Variants in PODXL2 observed in about 807,000 individuals in gnomAD.
PODXL2 encodes the protein podocalyxin-like protein 2.
A neutral mutation model predicts 53.4 loss-of-function variants in PODXL2; 17 were observed. The ratio of observed to expected loss-of-function variants is 0.32; its 90% confidence interval spans 0.22 to 0.48. The LOEUF is 0.48. Ranked by LOEUF, PODXL2 falls within the 20% of genes least tolerant of loss-of-function variation. The pLI is 0.99. For missense variants in PODXL2, 673 were observed against 760.0 expected (o/e 0.89, Z 1.35); for synonymous variants, 311 against 306.7 (o/e 1.01, Z -0.15).
chr3:127,648,696 A>G (rs781238795), intron 2 of PODXL2, among the ~76,000 whole-genome samples: 3 of 151,354 alleles, frequency 2.0e-5, no homozygotes, highest in South Asian at 2.1e-4. Flanking sequence ...GCTCACTGCA[A>G]CCTCTGCTGC....
intron 6 of PODXL2, among the ~76,000 whole-genome samples, chr3:127,669,977 C>T (rs1397947619): frequency 6.6e-6 from 1 of 152,250 alleles, no homozygotes; most frequent in Non-Finnish European, 1.5e-5. Context: ...CATCAGCCCT[C>T]TCCACTCCCG....
intron 6 of PODXL2, 148 bp from the exon 7 acceptor site, chr3:127,671,286 C>A (rs1243637995): frequency 2.9e-6 from 2 of 694,454 alleles, no homozygotes; most frequent in African/African-American, 1.8e-5. Flanking sequence ...TAGAGGCAAG[C>A]CCAGGCGCCA....
intron 6 of PODXL2, among the ~76,000 whole-genome samples, chr3:127,670,491 G>T (rs2074825704): frequency 6.6e-6 from 1 of 152,188 alleles, no homozygotes; most frequent in Non-Finnish European, 1.5e-5. Context: ...GGCGTTACTG[G>T]TCACTTAATT....
intron 2 of PODXL2, among the ~76,000 whole-genome samples, chr3:127,645,336 G>A (rs1036941626): frequency 6.6e-6 from 1 of 152,238 alleles, no homozygotes; most frequent in African/African-American, 2.4e-5. Context: ...CTAAGCCTGT[G>A]ATGCACTTGT....
rs201082204 is a variant in PODXL2, at chr3:127,639,423, C to A, written c.249C>A (p.Ser83Arg). 4 of 1,614,236 alleles carry A rather than the reference C, an allele frequency of 2.5e-6. No homozygotes were observed. Among genetic ancestry groups the A allele is most frequent in the East Asian group, 2.2e-5 (1 of 44,888 alleles). ...GAGCCCCTGGCTCAGGCTTCCCCAG[C>A]GAAGAGAATGAAGAGTCTCGGATTC... is the stretch of plus-strand genomic sequence containing the variant. ...GLGAPGSGFPSEENEESRILQ... is the reference protein window; with the variant it reads ...GLGAPGSGFPREENEESRILQ... Residue 83 changes from serine to arginine, a missense_variant, in exon 2 of 8, where the codon AGC (serine) becomes AGA (arginine). This residue lies in a region of PODXL2 where 588 missense variants were observed against 668.3 expected (regional missense o/e 0.88). Coordinates refer to ENST00000342480, the MANE Select transcript of PODXL2 (RefSeq NM_015720.4).
At chr3:127,658,396 T>C (rs955626202) in intron 2 of PODXL2, among the ~76,000 whole-genome samples, 1 of 151,278 alleles carries the variant, frequency 6.6e-6, no homozygotes, top group African/African-American at 2.4e-5. Flanking sequence ...TGTTTCTTGA[T>C]TTCCCATGTC....
In PODXL2 at chr3:127,656,041, G is replaced by A. The variant is rs143029118; in HGVS notation, c.350-4337G>A. 1.9e-3 allele frequency among the ~76,000 whole-genome samples: 293 copies of A among 152,342 alleles called. 2 individuals are homozygous for A. Among genetic ancestry groups the A allele is most frequent in the African/African-American group, 6.8e-3 (281 of 41,586 alleles). ...GAGGCAGAAGAATTCAAAAACACAC[G>A]TTGCTCTCCTTTCTACTCTGGGCCA... is the stretch of plus-strand genomic sequence containing the variant. On this transcript the variant is annotated intron_variant, in intron 2 of 7. Transcript: ENST00000342480.
In PODXL2 at chr3:127,672,414, G is replaced by A; in HGVS notation, c.1752G>A (p.Gly584=). 8 of 1,542,492 alleles carry A rather than the reference G, an allele frequency of 5.2e-6. No homozygotes were observed. Among genetic ancestry groups the A allele is most frequent in the Non-Finnish European group, 7.0e-6 (8 of 1,145,560 alleles). The change falls in exon 8 of 8, where the codon GGG becomes GGA. Residue 584 remains glycine, a synonymous_variant. Transcript: ENST00000342480. ...CCCTCAACGGCCCGGGGAGCTGGGG[G>A]GCGCTCATGGGGGGCAAGCGGGACC... ...GGALNGPGSW[G]ALMGGKRDPE...
Position 127,662,259 on chromosome 3 carries a change from A to G in PODXL2, c.1154A>G (p.Asn385Ser), listed in dbSNP as rs200595583. Residue 385 changes from asparagine (N) to serine (S), a missense_variant, in exon 4 of 8, where the codon AAT becomes AGT. Coordinates refer to ENST00000342480, the MANE Select transcript of PODXL2 (RefSeq NM_015720.4). The stretch of plus-strand genomic sequence containing the variant: ...CAGGTGATCTGCAAGGACTGGAGCA[A>G]TCTGGCTGGGAAAAACTACATCATT... ...STQVICKDWS[N>S]LAGKNYIILN... 21 of 1,614,094 alleles carry G rather than the reference A, an allele frequency of 1.3e-5. No individual in the cohort carries two copies. In the South Asian group the frequency reaches 1.5e-4, roughly 12 times the overall value.
Position 127,662,239 on chromosome 3 carries a change from G to T in PODXL2, c.1134G>T (p.Val378=), listed in dbSNP as rs763013928. The stretch of plus-strand genomic sequence containing the variant: ...CTTCTTTCTGTCTCCTCGCACAGGT[G>T]ATCTGCAAGGACTGGAGCAATCTGG... The part of the protein sequence containing the change: ...QSRIPWDSTQ[V]ICKDWSNLAG... Residue 378 remains valine (V), a splice_region_variant and synonymous_variant, in exon 4 of 8, where the codon GTG becomes GTT. Transcript: ENST00000342480. 4.3e-6 allele frequency: 7 copies of T among 1,612,918 alleles called. No homozygotes were observed. Among genetic ancestry groups the T allele is most frequent in the South Asian group, 1.1e-5 (1 of 91,050 alleles).
At chr3:127,647,760 C>T (rs1053566412) in intron 2 of PODXL2, among the ~76,000 whole-genome samples, 7 of 152,214 alleles carry the variant, frequency 4.6e-5, no homozygotes, top group Non-Finnish European at 5.9e-5. Flanking sequence ...CTCAGCACCC[C>T]GCAGAAAGGG....
chr3:127,660,663 GCCAGA>G lies in PODXL2; in HGVS notation c.638_642del (p.Gln213ProfsTer9). On this transcript the variant is annotated frameshift_variant, in exon 3 of 8. Transcript: ENST00000342480. LOFTEE classifies it high-confidence loss of function. ...CGTGACTTTTCTCTCACCAGCAGCA[GCCAGA>G]CCCCAGGGGCCACCAAAAGCAGGCA... The G allele has an allele frequency of 1.2e-6, 2 of 1,614,172 alleles. No homozygotes were observed. The highest frequency in any genetic ancestry group is 1.7e-6 in the Non-Finnish European group (2 of 1,180,040).
In PODXL2 at chr3:127,669,137, C is replaced by T. The variant is rs1559879759; in HGVS notation, c.1364-4C>T. 1.2e-6 allele frequency: 2 copies of T among 1,601,450 alleles called. No individual in the cohort carries two copies. Among genetic ancestry groups the T allele is most frequent in the African/African-American group, 1.3e-5 (1 of 74,162 alleles). On this transcript the variant is annotated splice_polypyrimidine_tract_variant and splice_region_variant and intron_variant, in intron 5 of 7. Coordinates refer to ENST00000342480, the MANE Select transcript of PODXL2 (RefSeq NM_015720.4). ...CACTGATAGTGGTGTTTCTTACCCCCCAGGGGTGGTGCCCACTCAAGATGT... is the reference window on the plus strand; with the variant it reads ...CACTGATAGTGGTGTTTCTTACCCCTCAGGGGTGGTGCCCACTCAAGATGT...
At chr3:127,637,084 A>T (rs186151701) in intron 1 of PODXL2, among the ~76,000 whole-genome samples, 2 of 152,120 alleles carry the variant, frequency 1.3e-5, no homozygotes, top group African/African-American at 4.8e-5. Flanking sequence ...CGGCCTCCCA[A>T]AGTGCTGGGA....
chr3:127,637,385 C>T (rs185658912), intron 1 of PODXL2, among the ~76,000 whole-genome samples: 181 of 152,206 alleles, frequency 1.2e-3, no homozygotes, highest in Non-Finnish European at 1.6e-3. Context: ...TTTTTTTCCC[C>T]GGGCCATGAA....
chr3:127,643,925 C>T (rs1253210907), intron 2 of PODXL2, among the ~76,000 whole-genome samples: 1 of 152,166 alleles, frequency 6.6e-6, no homozygotes, highest in Non-Finnish European at 1.5e-5. Flanking sequence ...AGGTGTGAGC[C>T]AGCACGCCTG....
At chr3:127,634,711 A>G (rs1023132962) in intron 1 of PODXL2, among the ~76,000 whole-genome samples, 5 of 152,154 alleles carry the variant, frequency 3.3e-5, no homozygotes, top group African/African-American at 4.8e-5. Flanking sequence ...GGGCGACAAG[A>G]GTGAAACTGT....
At chr3:127,671,363 A>G (rs576041307) in intron 6 of PODXL2, 71 bp from the exon 7 acceptor site, 210 of 1,471,874 alleles carry the variant, frequency 1.4e-4, no homozygotes, top group Non-Finnish European at 1.7e-4. Flanking sequence ...CCCGAGCCCA[A>G]TGCAACCACC....
At chr3:127,636,595 A>G (rs1400820981) in intron 1 of PODXL2, among the ~76,000 whole-genome samples, 1 of 152,270 alleles carries the variant, frequency 6.6e-6, no homozygotes, top group Non-Finnish European at 1.5e-5. Context: ...GGCTCTGGGA[A>G]CATGACTTCA....
Sources: allele counts gnomAD v4.1 joint callset (sites outside exome capture counted in the v4.1 genomes callset), GRCh38; gene constraint gnomAD v4.1.1; regional missense constraint gnomAD v4.1.1; transcripts MANE v1.5; gene names NCBI Gene and HGNC (gene_info 2026-07-23, HGNC 2026-07-21).